The following IQCM variants were observed in gnomAD, a reference collection of about 807,000 sequenced individuals.
IQCM encodes the protein IQ motif containing M, also known as IQ domain-containing protein M.
Under a neutral mutation model 57.6 loss-of-function variants are expected in IQCM, and 45 were observed. The ratio of observed to expected loss-of-function variants is 0.78; its 90% CI spans 0.62 to 1.00. IQCM has a LOEUF of 1.00. Among genes scored for constraint, IQCM ranks in the 50% least tolerant of loss-of-function variants. The pLI is 0.00. For missense variants in IQCM, 468 were observed against 511.6 expected (o/e 0.91, Z 0.82); for synonymous variants, 148 against 158.9 (o/e 0.93, Z 0.51).
intron 7 of IQCM, among the ~76,000 whole-genome samples, chr4:149,642,230 T>C (rs778559922): frequency 3.9e-5 from 6 of 152,172 alleles, no homozygotes; most frequent in East Asian, 1.9e-4. Context: ...AATTATAGTA[T>C]ATTTTGCCAG....
At chr4:149,765,425 G>A (rs1769949969) in intron 2 of IQCM, among the ~76,000 whole-genome samples, 1 of 152,130 alleles carries the variant, frequency 6.6e-6, no homozygotes, top group Non-Finnish European at 1.5e-5. Context: ...GACACTGAGA[G>A]AAATCTAACA....
intron 7 of IQCM, among the ~76,000 whole-genome samples, chr4:149,660,651 C>T (rs1175017012): frequency 6.6e-6 from 1 of 151,910 alleles, no homozygotes; most frequent in African/African-American, 2.4e-5. Flanking sequence ...ACTATGCAGC[C>T]ATAAAAAAGG....
At chr4:149,716,547 G>A (rs957235030) in intron 5 of IQCM, among the ~76,000 whole-genome samples, 9 of 152,156 alleles carry the variant, frequency 5.9e-5, no homozygotes, top group East Asian at 1.9e-4. Flanking sequence ...GGAAGAGGGC[G>A]GGGCTCACAC....
intron 13 of IQCM, among the ~76,000 whole-genome samples, chr4:149,378,026 G>A (rs889383651): frequency 4.6e-5 from 7 of 152,098 alleles, no homozygotes; most frequent in African/African-American, 1.7e-4. Flanking sequence ...TGTTCTCATG[G>A]TGGTGAATAA....
At chr4:149,794,180 A>G (rs1467766357) in intron 2 of IQCM, among the ~76,000 whole-genome samples, 1 of 152,198 alleles carries the variant, frequency 6.6e-6, no homozygotes, top group Admixed American at 6.5e-5. Context: ...ATGGGGCAGG[A>G]GTAGATTGTA....
chr4:149,635,658 G>T (rs1395809259), intron 7 of IQCM, among the ~76,000 whole-genome samples: 1 of 151,948 alleles, frequency 6.6e-6, no homozygotes, highest in Non-Finnish European at 1.5e-5. Flanking sequence ...AATAACACCT[G>T]CATGCCTCTT....
chr4:149,632,329 A>T (rs1014029997), intron 7 of IQCM, among the ~76,000 whole-genome samples: 1 of 152,234 alleles, frequency 6.6e-6, no homozygotes, highest in Non-Finnish European at 1.5e-5. Context: ...AAAACTACCT[A>T]CAAAACGTAT....
chr4:149,769,492 A>C (rs1770363708), intron 2 of IQCM, among the ~76,000 whole-genome samples: 1 of 152,024 alleles, frequency 6.6e-6, no homozygotes, highest in Admixed American at 6.6e-5. Flanking sequence ...CAAAAGTGCA[A>C]AATGATATCA....
chr4:149,408,793 T>C (rs1733162935), intron 13 of IQCM, among the ~76,000 whole-genome samples: 1 of 152,144 alleles, frequency 6.6e-6, no homozygotes, highest in Non-Finnish European at 1.5e-5. Flanking sequence ...TGCTGTTCTT[T>C]AAGAGCAGAC....
chr4:149,657,075 T>C (rs1169158250), intron 7 of IQCM, among the ~76,000 whole-genome samples: 1 of 152,150 alleles, frequency 6.6e-6, no homozygotes, highest in African/African-American at 2.4e-5. Context: ...TTAACCATCA[T>C]CACCCTACTG....
At chr4:149,441,002 G>A (rs1579065767) in intron 12 of IQCM, among the ~76,000 whole-genome samples, 1 of 152,172 alleles carries the variant, frequency 6.6e-6, no homozygotes, top group Admixed American at 6.6e-5. Flanking sequence ...TCCTGGCCCT[G>A]ATTTATTTAT....
At chr4:149,610,912 A>G (rs181821486) in intron 8 of IQCM, among the ~76,000 whole-genome samples, 18 of 152,252 alleles carry the variant, frequency 1.2e-4, no homozygotes, top group Admixed American at 2.6e-4. Context: ...CAAAGAAATC[A>G]ACAAAGTAGA....
At chr4:149,712,527 T>G (rs562061426) in intron 5 of IQCM, among the ~76,000 whole-genome samples, 5 of 152,314 alleles carry the variant, frequency 3.3e-5, no homozygotes, top group African/African-American at 1.2e-4. Flanking sequence ...CACTTCATTA[T>G]GCAACAAGCA....
intron 12 of IQCM, among the ~76,000 whole-genome samples, chr4:149,450,176 A>AC (rs1736954954): frequency 6.6e-6 from 1 of 151,866 alleles, no homozygotes; most frequent in Non-Finnish European, 1.5e-5. Flanking sequence ...ATGAAGCAAG[A>AC]CCCCCATGTC....
rs533520796 is a variant in IQCM at position 149,620,999 on chromosome 4, T to G, written c.681+130A>C. ...AAGCAATGCTTCAGAAAAAATGAAT[T>G]TCAGTGGAGAACTATCTTAGGACTG... On this transcript the variant is annotated intron_variant, in intron 8 of 13. Transcript: ENST00000636793. 7.3e-6 allele frequency: 3 copies of G among 413,446 alleles called. No homozygotes were observed. In the East Asian group the frequency reaches 1.1e-4, roughly 15 times the overall value. The allele number at this position is 413,446 out of a possible 1,614,324, so 25.6% of individuals were successfully genotyped here.
chr4:149,454,489 A>G (rs1737473375), intron 12 of IQCM, among the ~76,000 whole-genome samples: 1 of 151,888 alleles, frequency 6.6e-6, no homozygotes, highest in Admixed American at 6.6e-5. Context: ...GAGGAGGGTG[A>G]GGATCAAAAA....
intron 2 of IQCM, among the ~76,000 whole-genome samples, chr4:149,810,838 C>A (rs986880840): frequency 6.6e-6 from 1 of 152,214 alleles, no homozygotes; most frequent in East Asian, 1.9e-4. Context: ...ATGTGATCAC[C>A]CTAGCTATTA....
intron 13 of IQCM, among the ~76,000 whole-genome samples, chr4:149,427,142 C>G (rs979111783): frequency 6.6e-6 from 1 of 151,868 alleles, no homozygotes; most frequent in African/African-American, 2.4e-5. Flanking sequence ...GACCCAGGAA[C>G]CAACAACAGT....
intron 13 of IQCM, among the ~76,000 whole-genome samples, chr4:149,400,346 T>C (rs189136260): frequency 7.5e-4 from 114 of 152,088 alleles, no homozygotes; most frequent in African/African-American, 2.6e-3. Context: ...AAGTTAAAGG[T>C]GAAAGAGTGG....
Sources: gnomAD v4.1 joint callset for allele counts (sites outside exome capture counted in the v4.1 genomes callset) on GRCh38, gnomAD v4.1.1 for gene constraint, MANE v1.5 for transcripts, NCBI Gene and HGNC (gene_info 2026-07-23, HGNC 2026-07-21) for gene names.